KIT: variants seen among roughly 807,000 people sequenced by gnomAD.
KIT encodes mast/stem cell growth factor receptor Kit.
In KIT, 16 loss-of-function variants were observed where a neutral mutation model predicts 105.7. The ratio of observed to expected loss-of-function variants is 0.15; its 90% confidence interval spans 0.10 to 0.23. The LOEUF is 0.23. KIT is among the 10% of genes least tolerant of loss of function. The pLI is 1.00. For missense variants in KIT, 858 were observed against 1,213.8 expected, an observed-to-expected ratio of 0.71 and a Z score of 4.36; for synonymous variants, 438 against 441.1, an observed-to-expected ratio of 0.99 and a Z score of 0.09.
intron 1 of KIT, among the ~76,000 whole-genome samples, chr4:54,693,595 G>T (rs922307000): frequency 6.6e-6 from 1 of 151,984 alleles, no homozygotes; most frequent in Non-Finnish European, 1.5e-5. Flanking sequence ...CACCTCTCAC[G>T]TCCCCTCCCC....
At chr4:54,695,820 A>C in intron 2 of KIT, 39 bp downstream of exon 2, 2 of 1,612,280 alleles carry the variant, frequency 1.2e-6, no homozygotes, top group Non-Finnish European at 1.7e-6. Flanking sequence ...GCTTTCAAGA[A>C]TTTAATATCC....
chr4:54,706,706 C>T (rs3111808), intron 5 of KIT, among the ~76,000 whole-genome samples: 146,479 of 152,238 alleles, frequency 0.96, 70,738 homozygotes, highest in Middle Eastern at 1. Flanking sequence ...ATTAGGGCTC[C>T]CTTGTTTTCC....
chr4:54,685,993 G>A (rs1719288771), intron 1 of KIT, among the ~76,000 whole-genome samples: 1 of 152,172 alleles, frequency 6.6e-6, no homozygotes, highest in Non-Finnish European at 1.5e-5. Flanking sequence ...TCCCCACTGG[G>A]CTGTGAGCCC....
chr4:54,709,624 G>C (rs757863319), intron 7 of KIT, 85 bp downstream of exon 7: 5 of 812,246 alleles, frequency 6.2e-6, no homozygotes, highest in African/African-American at 5.1e-5. Flanking sequence ...GACTCAACTT[G>C]TGTACTATGT....
At chr4:54,719,590 G>T (rs974957066) in intron 7 of KIT, among the ~76,000 whole-genome samples, 2 of 152,092 alleles carry the variant, frequency 1.3e-5, no homozygotes, top group African/African-American at 4.8e-5. Flanking sequence ...ATCTCCACAG[G>T]AAATGCATAA....
intron 20 of KIT, 99 bp downstream of exon 20, chr4:54,737,379 T>G: frequency 1.2e-6 from 1 of 821,556 alleles, no homozygotes; most frequent in South Asian, 1.4e-5. Context: ...TCCCAACCCC[T>G]TCTCTCCTAA....
chr4:54,709,570 T>C, intron 7 of KIT, 31 bp downstream of exon 7: 1 of 1,350,160 alleles, frequency 7.4e-7, no homozygotes, highest in African/African-American at 1.4e-5. Flanking sequence ...CTTTTAATTT[T>C]TTATTCTTTT....
chr4:54,708,323 AG>A (rs1720918650), intron 6 of KIT, among the ~76,000 whole-genome samples: 1 of 152,154 alleles, frequency 6.6e-6, no homozygotes, highest in African/African-American at 2.4e-5. Flanking sequence ...AGCCTGAGAC[AG>A]GGATTCTGAG....
chr4:54,695,807 T>G (rs374483663), intron 2 of KIT, 26 bp downstream of exon 2: 1 of 1,613,870 alleles, frequency 6.2e-7, no homozygotes, highest in Non-Finnish European at 8.5e-7. Flanking sequence ...TCTGCAGTGC[T>G]GTGCTTTCAA....
intron 1 of KIT, among the ~76,000 whole-genome samples, chr4:54,678,226 T>A (rs1322908178): frequency 6.6e-6 from 1 of 151,368 alleles, no homozygotes; most frequent in African/African-American, 2.4e-5. Flanking sequence ...ATGTTGTCTG[T>A]TTCCTTCATC....
At chr4:54,730,230 C>A (rs1327118735) in intron 14 of KIT, among the ~76,000 whole-genome samples, 1 of 152,142 alleles carries the variant, frequency 6.6e-6, no homozygotes, top group Admixed American at 6.6e-5. Context: ...CCCAGTCCAA[C>A]AGAAGTCATG....
intron 1 of KIT, among the ~76,000 whole-genome samples, chr4:54,674,314 C>A (rs1001564504): frequency 6.6e-6 from 1 of 152,196 alleles, no homozygotes; most frequent in Non-Finnish European, 1.5e-5. Context: ...ATTGGACATA[C>A]AGGTGGCACA....
At chr4:54,688,804 T>G (rs1282156058) in intron 1 of KIT, among the ~76,000 whole-genome samples, 1 of 152,074 alleles carries the variant, frequency 6.6e-6, no homozygotes, top group Non-Finnish European at 1.5e-5. Context: ...TGAAGAGTAG[T>G]TGAACTACAA....
chr4:54,698,586 G>C (rs1377381516), intron 3 of KIT, 21 bp downstream of exon 3: 1 of 1,613,260 alleles, frequency 6.2e-7, no homozygotes, highest in Non-Finnish European at 8.5e-7. Flanking sequence ...TTTCTTATCT[G>C]CCTCTGGGAG....
intron 3 of KIT, 88 bp from the exon 4 acceptor site, chr4:54,699,542 A>T: frequency 7.0e-7 from 1 of 1,421,040 alleles, no homozygotes; most frequent in South Asian, 1.2e-5. Flanking sequence ...TGACAAAGTA[A>T]GCTGTACACA....
intron 1 of KIT, among the ~76,000 whole-genome samples, chr4:54,679,540 G>C (rs1385335726): frequency 6.6e-6 from 1 of 152,170 alleles, no homozygotes; most frequent in Non-Finnish European, 1.5e-5. Context: ...GTGTGGGATG[G>C]AGGGGAAGGT....
chr4:54,692,801 C>T (rs750474156), intron 1 of KIT, among the ~76,000 whole-genome samples: 10 of 152,138 alleles, frequency 6.6e-5, no homozygotes, highest in African/African-American at 1.2e-4. Flanking sequence ...GCCTTTATGA[C>T]GTTGTTGCTG....
At chr4:54,693,686 G>A (rs976689187) in intron 1 of KIT, among the ~76,000 whole-genome samples, 1 of 123,230 alleles carries the variant, frequency 8.1e-6, no homozygotes, top group Admixed American at 8.9e-5. Flanking sequence ...CTGCAACCTT[G>A]CATATGGTGG....
At chr4:54,658,227 G>C (rs1716961229) in intron 1 of KIT, 146 bp downstream of exon 1, 6 of 821,454 alleles carry the variant, frequency 7.3e-6, no homozygotes, top group African/African-American at 1.7e-5. Context: ...GACTCCAGGT[G>C]GCCCTCGGAC....
Sources: allele counts gnomAD v4.1 joint callset (sites outside exome capture counted in the v4.1 genomes callset), GRCh38; gene constraint gnomAD v4.1.1; transcripts MANE v1.5; gene names NCBI Gene and HGNC (gene_info 2026-07-23, HGNC 2026-07-21).